PIK3CG: variants seen among roughly 807,000 people sequenced by gnomAD.
PIK3CG encodes phosphatidylinositol 4,5-bisphosphate 3-kinase catalytic subunit gamma isoform.
Under a neutral mutation model 102.3 loss-of-function variants are expected in PIK3CG, and 55 were observed. The ratio of observed to expected loss-of-function variants is 0.54; its 90% CI spans 0.43 to 0.67. The LOEUF is 0.67. Ranked by LOEUF, PIK3CG falls within the 30% of genes least tolerant of loss-of-function variation. PIK3CG has a pLI of 0.00. For missense variants in PIK3CG, 1,258 were observed against 1,391.8 expected, an observed-to-expected ratio of 0.90 and a Z score of 1.53; for synonymous variants, 552 against 540.0, an observed-to-expected ratio of 1.02 and a Z score of -0.31.
At position 106,903,743 on chromosome 7, in the gene PIK3CG, ATTTTT is replaced by A. The variant is rs3074768; in HGVS notation, c.3031-1362_3031-1358del. Among the ~76,000 whole-genome samples, 7 of 151,198 alleles carry A rather than the reference ATTTTT, an allele frequency of 4.6e-5. No homozygotes were observed. The highest frequency in any genetic ancestry group is 1.7e-4 in the African/African-American group (7 of 41,108). ...AGTTTTCCTTCACTTTTCTGATTTT[ATTTTT>A]TTTATTTATTTATTTATTTATTTAT... is the stretch of plus-strand genomic sequence containing the variant. On this transcript the variant is annotated intron_variant, in intron 10 of 10. Transcript: ENST00000496166. This position sits in a 1 kb window ranked among gnomAD's most constrained non-coding sequence, Gnocchi z 4.3.
rs1410344513 is a variant in PIK3CG at position 106,886,178 on chromosome 7, C to T, written c.2916C>T (p.Tyr972=). 3 of 1,614,058 alleles carry T rather than the reference C, an allele frequency of 1.9e-6. 1 individual carries two copies. In the South Asian group the frequency reaches 3.3e-5, roughly 18 times the overall value. The change falls in exon 10 of 11, where the codon TAC becomes TAT. Residue 972 remains tyrosine, a synonymous_variant. Transcript: ENST00000496166. The stretch of plus-strand genomic sequence containing the variant: ...ACTTCGGGCACATTCTTGGGAATTA[C>T]AAAAGTTTCCTGGGCATTAATAAAG... ...HIDFGHILGN[Y]KSFLGINKER...
chr7:106,875,224 C>T (rs1790684444), intron 5 of PIK3CG, among the ~76,000 whole-genome samples: 1 of 152,012 alleles, frequency 6.6e-6, no homozygotes, highest in Non-Finnish European at 1.5e-5. Context: ...CATGGTGGTG[C>T]ATTCCTGTAA....
chr7:106,869,216 G>T lies in PIK3CG; in HGVS notation c.1655G>T (p.Arg552Leu), dbSNP rs1182076194. 7 of 1,614,174 alleles carry T rather than the reference G, an allele frequency of 4.3e-6. No individual in the cohort carries two copies. Among genetic ancestry groups the T allele is most frequent in the African/African-American group, 1.3e-5 (1 of 75,026 alleles). The part of the protein sequence containing the change: ...RVRAEMPNQL[R>L]KQLEAIIATD... Reference sequence around the variant, plus strand: ...CGAGCAGAAATGCCCAACCAGCTTCGCAAGCAATTGGAGGCGATCATAGCC... The same window carrying T: ...CGAGCAGAAATGCCCAACCAGCTTCTCAAGCAATTGGAGGCGATCATAGCC... The change falls in exon 2 of 11, where the codon CGC becomes CTC. Residue 552 changes from arginine (R) to leucine (L), a missense_variant. Transcript: ENST00000496166. This position sits in a 1 kb window ranked among gnomAD's most constrained non-coding sequence, Gnocchi z 5.3.
rs2116488730 is a variant in PIK3CG, at chr7:106,872,855, A to G, written c.2204A>G (p.Gln735Arg). ...GCCATGCTGCACGACTTTACCCAAC[A>G]AGTCCAAGTAATCGAGATGTTACAA... ...GTAMLHDFTQ[Q>R]VQVIEMLQKV... The change falls in exon 4 of 11, where the codon CAA becomes CGA. Residue 735 changes from glutamine to arginine, a missense_variant. Around this residue, in one of 2 missense-constraint regions of PIK3CG, gnomAD observed 426 missense variants for 604.2 expected, o/e 0.71. Coordinates refer to ENST00000496166, the MANE Select transcript of PIK3CG (RefSeq NM_001282426.2). This position sits in a 1 kb window ranked among gnomAD's most constrained non-coding sequence, Gnocchi z 5.3. 1 of 1,614,194 alleles carries G rather than the reference A, an allele frequency of 6.2e-7. No individual in the cohort carries two copies. The highest frequency in any genetic ancestry group is 8.5e-7 in the Non-Finnish European group (1 of 1,180,022).
Position 106,867,637 on chromosome 7 carries a change from C to G in PIK3CG, c.76C>G (p.Arg26Gly), listed in dbSNP as rs1790340029. The change falls in exon 2 of 11, where the codon CGC (arginine) becomes GGC (glycine). Residue 26 changes from arginine to glycine, a missense_variant. Coordinates refer to ENST00000496166, the MANE Select transcript of PIK3CG (RefSeq NM_001282426.2). The surrounding 1 kb of genome is among the most constrained non-coding windows in gnomAD (Gnocchi z 5.1). ...NCRRRRRMKP[R>G]SAAASLSSME... ...CCGAAGGCGCCGGAGGATGAAGCCG[C>G]GCAGTGCTGCGGCCAGCCTGTCCTC... 6.2e-7 allele frequency: 1 copy of G among 1,612,958 alleles called. No individual in the cohort carries two copies. Among genetic ancestry groups the G allele is most frequent in the Non-Finnish European group, 8.5e-7 (1 of 1,179,800 alleles).
rs140329142 is a variant in PIK3CG at position 106,868,563 on chromosome 7, C to T, written c.1002C>T (p.Gly334=). 809 of 1,614,032 alleles carry T rather than the reference C, an allele frequency of 5.0e-4. 4 individuals are homozygous for T. Among genetic ancestry groups the T allele is most frequent in the Middle Eastern group, 3.0e-3 (18 of 6,084 alleles). ...PLVDDCTGVT[G]YHEQLTIHGK... Reference sequence around the variant, plus strand: ...TGGATGACTGCACGGGAGTCACCGGCTACCATGAGCAGCTTACCATCCACG... The same window carrying T: ...TGGATGACTGCACGGGAGTCACCGGTTACCATGAGCAGCTTACCATCCACG... Residue 334 remains glycine (G), a synonymous_variant, in exon 2 of 11, where the codon GGC becomes GGT. Transcript: ENST00000496166. This position sits in a 1 kb window ranked among gnomAD's most constrained non-coding sequence, Gnocchi z 6.2.
In PIK3CG at chr7:106,884,480, T is replaced by C. The variant is rs1308514852; in HGVS notation, c.2872+214T>C. 1.3e-5 allele frequency among the ~76,000 whole-genome samples: 2 copies of C among 152,090 alleles called. No individual in the cohort carries two copies. The highest frequency in any genetic ancestry group is 2.9e-5 in the Non-Finnish European group (2 of 68,016). On this transcript the variant is annotated intron_variant, in intron 9 of 10. Coordinates refer to ENST00000496166, the MANE Select transcript of PIK3CG (RefSeq NM_001282426.2). This position sits in a 1 kb window ranked among gnomAD's most constrained non-coding sequence, Gnocchi z 4.2. ...CCATTAAACACTAACTCCCCATGCC[T>C]CCCTCCTTTCAGAACGGAGTAGTCT...
chr7:106,878,063 T>A (rs1178998356), intron 5 of PIK3CG, among the ~76,000 whole-genome samples: 1 of 152,238 alleles, frequency 6.6e-6, no homozygotes, highest in African/African-American at 2.4e-5. Context: ...TCTTTTCTAC[T>A]GCAAGTTTGC....
In PIK3CG at chr7:106,884,296, T is replaced by A; in HGVS notation, c.2872+30T>A. The A allele has an allele frequency of 7.3e-7, 1 of 1,361,396 alleles. No homozygotes were observed. Among genetic ancestry groups the A allele is most frequent in the Non-Finnish European group, 1.0e-6 (1 of 952,612 alleles). The allele number at this position is 1,361,396 out of a possible 1,614,324, so 84.3% of individuals were successfully genotyped here. On this transcript the variant is annotated intron_variant, in intron 9 of 10. Transcript: ENST00000496166. This position sits in a 1 kb window ranked among gnomAD's most constrained non-coding sequence, Gnocchi z 4.2. Reference sequence around the variant, plus strand: ...GTTTATTTAGTGCAGAATAAACTTTTATTGTGGTAAAATATATATAACATA... The same window carrying A: ...GTTTATTTAGTGCAGAATAAACTTTAATTGTGGTAAAATATATATAACATA...
Position 106,907,896 on chromosome 7 carries a change from A to G in PIK3CG, c.*2509A>G, listed in dbSNP as rs1054161649. On this transcript the variant is annotated 3_prime_UTR_variant, in exon 11 of 11. Transcript: ENST00000496166. ...GATTCTTCCGTATTCCAAAGAGCAT[A>G]ATTTCAGTTCTATAGACTTATAGAT... Among the ~76,000 whole-genome samples the G allele has an allele frequency of 1.3e-5, 2 of 149,858 alleles. No individual in the cohort carries two copies. Among genetic ancestry groups the G allele is most frequent in the Non-Finnish European group, 3.0e-5 (2 of 67,500 alleles).
rs2116459458 is a variant in PIK3CG, at chr7:106,869,165, C to A, written c.1604C>A (p.Thr535Asn). ...HPIALPKHQP[T>N]PDPEGDRVRA... is the part of the protein sequence containing the mutation. ...ATAGCCCTGCCTAAGCATCAGCCCA[C>A]CCCTGACCCGGAAGGGGACCGGGTT... Residue 535 changes from threonine to asparagine, a missense_variant, in exon 2 of 11, where the codon ACC becomes AAC. Physicochemically the swap from Thr to Asn is moderately conservative, Grantham distance 65. Coordinates refer to ENST00000496166, the MANE Select transcript of PIK3CG (RefSeq NM_001282426.2). The surrounding 1 kb of genome is among the most constrained non-coding windows in gnomAD (Gnocchi z 5.3). 6.2e-7 allele frequency: 1 copy of A among 1,614,216 alleles called. No individual in the cohort carries two copies. Among genetic ancestry groups the A allele is most frequent in the Non-Finnish European group, 8.5e-7 (1 of 1,180,034 alleles).
chr7:106,900,847 T>C (rs569890201), intron 10 of PIK3CG, among the ~76,000 whole-genome samples: 1 of 152,180 alleles, frequency 6.6e-6, no homozygotes, highest in Admixed American at 6.5e-5. Context: ...AAATTCTTGG[T>C]TGAAGATTTT....
rs1790636868 is a variant in PIK3CG at position 106,874,118 on chromosome 7, A to G, written c.2288-582A>G. Among the ~76,000 whole-genome samples the G allele has an allele frequency of 6.6e-6, 1 of 152,078 alleles. No homozygotes were observed. Among genetic ancestry groups the G allele is most frequent in the Admixed American group, 6.5e-5 (1 of 15,280 alleles). ...ATGATGATGGTAATAATAATATTTTATTTGCATTTTAAGAAAGGAAAACAT... is the reference window on the plus strand; with the variant it reads ...ATGATGATGGTAATAATAATATTTTGTTTGCATTTTAAGAAAGGAAAACAT... On this transcript the variant is annotated intron_variant, in intron 4 of 10. Coordinates refer to ENST00000496166, the MANE Select transcript of PIK3CG (RefSeq NM_001282426.2). The surrounding 1 kb of genome is among the most constrained non-coding windows in gnomAD (Gnocchi z 4.3).
At chr7:106,881,893 C>T (rs558216781) in intron 6 of PIK3CG, among the ~76,000 whole-genome samples, 41 of 152,108 alleles carry the variant, frequency 2.7e-4, no homozygotes, top group African/African-American at 9.6e-4. Flanking sequence ...ATGTATTTAT[C>T]CTCTTCCCCA....
At position 106,897,951 on chromosome 7, in the gene PIK3CG, T is replaced by C. The variant is rs1432486907; in HGVS notation, c.3031-7158T>C. On this transcript the variant is annotated intron_variant, in intron 10 of 10. Coordinates refer to ENST00000496166, the MANE Select transcript of PIK3CG (RefSeq NM_001282426.2). The surrounding 1 kb of genome is among the most constrained non-coding windows in gnomAD (Gnocchi z 4.6). Reference sequence around the variant, plus strand: ...GTCATGCTTTTAGCTCTTTGAAGAATCGCCACATTGCTTTCCACAATGGTT... The same window carrying C: ...GTCATGCTTTTAGCTCTTTGAAGAACCGCCACATTGCTTTCCACAATGGTT... 9.2e-5 allele frequency among the ~76,000 whole-genome samples: 14 copies of C among 152,192 alleles called. No homozygotes were observed. Among genetic ancestry groups the C allele is most frequent in the Non-Finnish European group, 1.5e-5 (1 of 68,032 alleles).
Position 106,869,276 on chromosome 7 carries a change from A to C in PIK3CG, c.1715A>C (p.Lys572Thr). The change falls in exon 2 of 11, where the codon AAA (lysine) becomes ACA (threonine). Residue 572 changes from lysine (K) to threonine (T), a missense_variant. This residue lies in a region of PIK3CG where 832 missense variants were observed against 787.5 expected (regional missense o/e 1.06). Coordinates refer to ENST00000496166, the MANE Select transcript of PIK3CG (RefSeq NM_001282426.2). The surrounding 1 kb of genome is among the most constrained non-coding windows in gnomAD (Gnocchi z 5.3). ...CTTAACCCTCTCACAGCAGAGGACA[A>C]AGAATTGCTCTGGCATTTTAGATAC... ...DPLNPLTAED[K>T]ELLWHFRYES... The C allele has an allele frequency of 6.2e-7, 1 of 1,614,248 alleles. No homozygotes were observed.
rs138528354 is a variant in PIK3CG at position 106,875,577 on chromosome 7, G to C, written c.2391+774G>C. On this transcript the variant is annotated intron_variant, in intron 5 of 10. Coordinates refer to ENST00000496166, the MANE Select transcript of PIK3CG (RefSeq NM_001282426.2). ...AATGCCTTTTCTAGACTTTTATTAA[G>C]AGGAATCATATAGTATATAGTTTTA... is the stretch of plus-strand genomic sequence containing the variant. Among the ~76,000 whole-genome samples the C allele has an allele frequency of 1.6e-3, 249 of 152,204 alleles. 1 individual carries two copies. The highest frequency in any genetic ancestry group is 5.9e-3 in the African/African-American group (244 of 41,548).
intron 1 of PIK3CG, among the ~76,000 whole-genome samples, chr7:106,866,620 T>G (rs1790293212): frequency 6.6e-6 from 1 of 152,192 alleles, no homozygotes; most frequent in Admixed American, 6.5e-5. Flanking sequence ...CAAATGAATT[T>G]TAATTAATTA....
chr7:106,872,456 AC>A lies in PIK3CG; in HGVS notation c.1996-79del, dbSNP rs1435254547. 4 of 1,067,234 alleles carry A rather than the reference AC, an allele frequency of 3.7e-6. No individual in the cohort carries two copies. The highest frequency in any genetic ancestry group is 5.8e-6 in the Non-Finnish European group (4 of 690,908). 66.1% of individuals were successfully genotyped at this position (1,067,234 alleles called of 1,614,324 possible). ...CCGTGAAGACCCAGTAAAGCAGAGCACCAGTTCTTCTCCATTTCCTTTTCCC... is the reference window on the plus strand; with the variant it reads ...CCGTGAAGACCCAGTAAAGCAGAGCACAGTTCTTCTCCATTTCCTTTTCCC... On this transcript the variant is annotated intron_variant, in intron 2 of 10. Coordinates refer to ENST00000496166, the MANE Select transcript of PIK3CG (RefSeq NM_001282426.2). The surrounding 1 kb of genome is among the most constrained non-coding windows in gnomAD (Gnocchi z 5.3).
Sources: gnomAD v4.1 joint callset for allele counts (sites outside exome capture counted in the v4.1 genomes callset) on GRCh38, gnomAD v4.1.1 for gene constraint, gnomAD v4.1.1 regional missense constraint, Gnocchi (gnomAD v3.1) non-coding constraint, MANE v1.5 for transcripts, NCBI Gene and HGNC (gene_info 2026-07-23, HGNC 2026-07-21) for gene names.